Variants in ADCY4 observed in about 807,000 individuals in gnomAD.
ADCY4 encodes adenylate cyclase 4.
Under a neutral mutation model 125.5 loss-of-function variants are expected in ADCY4, and 111 were observed. That is an observed-to-expected ratio of 0.88 (90% CI 0.76 to 1.04). ADCY4 has a LOEUF of 1.04. Among genes scored for constraint, ADCY4 ranks in the 50% least tolerant of loss-of-function variants. The pLI, the probability that ADCY4 is intolerant of heterozygous loss-of-function variation, is 0.00. For missense variants in ADCY4, 1,256 were observed against 1,382.9 expected, an observed-to-expected ratio of 0.91 and a Z score of 1.46; for synonymous variants, 576 against 586.9, an observed-to-expected ratio of 0.98 and a Z score of 0.27.
intron 14 of ADCY4, 151 bp from the exon 15 acceptor site, chr14:24,324,542 G>A (rs1594655377): frequency 2.3e-6 from 2 of 880,512 alleles, no homozygotes; most frequent in Middle Eastern, 3.3e-4. Context: ...AGAAGACATT[G>A]CATTCTGATG....
chr14:24,330,828 T>C, intron 6 of ADCY4, 190 bp downstream of exon 6: 1 of 584,992 alleles, frequency 1.7e-6, no homozygotes, highest in South Asian at 2.2e-5. Flanking sequence ...TCTGTAGGTT[T>C]GAGGTGTGTG....
rs1307846932 is a variant in ADCY4 at position 24,334,845 on chromosome 14, T to C, written c.-193A>G. ...CTCCCAGCCCGCTCCCAGCTGGCGATGAGGGGATCCCTCAGTCCTTTCCTC... is the reference window on the plus strand; with the variant it reads ...CTCCCAGCCCGCTCCCAGCTGGCGACGAGGGGATCCCTCAGTCCTTTCCTC... On this transcript the variant is annotated 5_prime_UTR_variant, in exon 1 of 25. Transcript: ENST00000418030. The C allele has an allele frequency of 1.7e-6, 1 of 576,156 alleles. No homozygotes were observed. The highest frequency in any genetic ancestry group is 3.1e-6 in the Non-Finnish European group (1 of 327,440). The allele number at this position is 576,156 out of a possible 1,614,324, so 35.7% of individuals were successfully genotyped here.
chr14:24,318,854 G>C, intron 23 of ADCY4, 76 bp from the exon 24 acceptor site: 2 of 1,596,706 alleles, frequency 1.3e-6, no homozygotes, highest in Non-Finnish European at 1.7e-6. Context: ...TGGAAGGAAG[G>C]GAGAAGAGCC....
intron 10 of ADCY4, 134 bp from the exon 11 acceptor site, chr14:24,326,476 A>G: frequency 1.9e-6 from 2 of 1,060,654 alleles, no homozygotes; most frequent in Non-Finnish European, 2.8e-6. Context: ...TTTTGCCTCT[A>G]ATGACCTCTC....
Position 24,319,616 on chromosome 14 carries a change from G to T in ADCY4, c.2733+126C>A. The T allele has an allele frequency of 1.5e-6, 2 of 1,311,852 alleles. No individual in the cohort carries two copies. Among genetic ancestry groups the T allele is most frequent in the Non-Finnish European group, 1.1e-6 (1 of 928,348 alleles). 81.3% of individuals were successfully genotyped at this position (1,311,852 alleles called of 1,614,324 possible). On this transcript the variant is annotated intron_variant, in intron 21 of 24. Coordinates refer to ENST00000418030, the MANE Select transcript of ADCY4 (RefSeq NM_001198568.2). The surrounding 1 kb of genome is among the most constrained non-coding windows in gnomAD (Gnocchi z 4.5). Reference sequence around the variant, plus strand: ...GAGTGGGTAGATCTGGGGGATCAGAGGAGGTGAGGGAGTACTGTGGAGGGG... The same window carrying T: ...GAGTGGGTAGATCTGGGGGATCAGATGAGGTGAGGGAGTACTGTGGAGGGG...
intron 17 of ADCY4, 30 bp from the exon 18 acceptor site, chr14:24,323,118 G>A (rs1275359584): frequency 6.2e-7 from 1 of 1,609,156 alleles, no homozygotes; most frequent in South Asian, 1.1e-5. Flanking sequence ...TCAGGAGTGG[G>A]CATGTCCCAT....
chr14:24,326,720 G>A (rs890579266), intron 10 of ADCY4, among the ~76,000 whole-genome samples: 14 of 151,660 alleles, frequency 9.2e-5, no homozygotes, highest in Admixed American at 2.6e-4. Flanking sequence ...CAGCCTTCCA[G>A]GTGGCTGGGA....
Position 24,323,330 on chromosome 14 carries a change from G to T in ADCY4, c.2157+14C>A. ...GTGTGCAGAAGGAGATTAAGGGCAT[G>T]TGGGAACACTCACTGGGACACTGAT... On this transcript the variant is annotated intron_variant, in intron 17 of 24. Transcript: ENST00000418030. 6.5e-7 allele frequency: 1 copy of T among 1,542,574 alleles called. No individual in the cohort carries two copies. The highest frequency in any genetic ancestry group is 1.4e-5 in the African/African-American group (1 of 72,934).
chr14:24,322,697 A>G lies in ADCY4; in HGVS notation c.2354T>C (p.Leu785Pro), dbSNP rs771001774. Residue 785 changes from leucine to proline, a missense_variant, in exon 19 of 25, where the codon CTG becomes CCG. Coordinates refer to ENST00000418030, the MANE Select transcript of ADCY4 (RefSeq NM_001198568.2). ...AGCACCCATCAGTTTGGGCTCCTTC[A>G]GCACTCCGGGCCTGAAGGGGCCATG... ...LGPLDSRPGV[L>P]KEPKLMGAIS... 6.2e-7 allele frequency: 1 copy of G among 1,614,098 alleles called. No individual in the cohort carries two copies. The highest frequency in any genetic ancestry group is 8.5e-7 in the Non-Finnish European group (1 of 1,180,010).
At chr14:24,326,192 CCA>C (rs776550621) in intron 11 of ADCY4, 27 bp from the exon 12 acceptor site, 1 of 1,610,292 alleles carries the variant, frequency 6.2e-7, no homozygotes, top group African/African-American at 1.3e-5. Context: ...AAGTCCATCA[CCA>C]CAGAGACCCT....
At chr14:24,322,774 T>C (rs1594651945) in intron 18 of ADCY4, 66 bp from the exon 19 acceptor site, 5 of 1,574,910 alleles carry the variant, frequency 3.2e-6, no homozygotes, top group East Asian at 2.3e-5. Flanking sequence ...CCTGCCCCCA[T>C]GTAGGCCTCC....
At position 24,329,452 on chromosome 14, in the gene ADCY4, G is replaced by A. The variant is rs772097969; in HGVS notation, c.1299C>T (p.Asp433=). The A allele has an allele frequency of 2.5e-6, 4 of 1,581,000 alleles. No individual in the cohort carries two copies. In the South Asian group the frequency reaches 4.7e-5, roughly 18 times the overall value. Residue 433 remains aspartate, a synonymous_variant, in exon 9 of 25, where the codon GAC becomes GAT. Coordinates refer to ENST00000418030, the MANE Select transcript of ADCY4 (RefSeq NM_001198568.2). ...AVEDAGMEHR[D]PYLRELGEPT... ...GCTCCCCTAGCTCCCGAAGGTAGGG[G>A]TCCCGATGCTCCATGCCTGCGTCCT...
Position 24,332,970 on chromosome 14 carries a change from T to A in ADCY4, c.178A>T (p.Ser60Cys). ...GCGCACAGCACAGTGGTCAGGAAGC[T>A]CGGGTCTGAGGTCAGCTCCTGTGGG... ...ASGRELTSDPSFLTTVLCALG... is the reference protein window; with the variant it reads ...ASGRELTSDPCFLTTVLCALG... Residue 60 changes from serine to cysteine, a missense_variant, in exon 2 of 25, where the codon AGC becomes TGC. Ser to Cys is a moderately radical substitution (Grantham distance 112). Coordinates refer to ENST00000418030, the MANE Select transcript of ADCY4 (RefSeq NM_001198568.2). The A allele has an allele frequency of 6.4e-7, 1 of 1,551,878 alleles. No individual in the cohort carries two copies. Among genetic ancestry groups the A allele is most frequent in the Non-Finnish European group, 8.7e-7 (1 of 1,145,836 alleles).
intron 10 of ADCY4, chr14:24,328,476 G>T (rs551688000): frequency 6.4e-6 from 1 of 155,260 alleles, no homozygotes; most frequent in South Asian, 1.7e-4. Flanking sequence ...CTGATATGCA[G>T]AAATAATGGT....
At position 24,322,101 on chromosome 14, in the gene ADCY4, C is replaced by T. The variant is rs891634537; in HGVS notation, c.2551G>A (p.Ala851Thr). The change falls in exon 20 of 25, where the codon GCC (alanine) becomes ACC (threonine). Residue 851 changes from alanine to threonine, a missense_variant. By Grantham distance (58) the Ala-to-Thr change is moderately conservative. Coordinates refer to ENST00000418030, the MANE Select transcript of ADCY4 (RefSeq NM_001198568.2). ...CGGTTCTGGCCAATGAACTGGGGGG[C>T]CACGTGTGCAGGGAGCACGTTCTCC... ...LLENVLPAHV[A>T]PQFIGQNRRN... is the part of the protein sequence containing the mutation. 3 of 1,613,714 alleles carry T rather than the reference C, an allele frequency of 1.9e-6. No homozygotes were observed. Among genetic ancestry groups the T allele is most frequent in the Non-Finnish European group, 2.5e-6 (3 of 1,179,794 alleles).
intron 15 of ADCY4, 51 bp downstream of exon 15, chr14:24,324,256 G>T (rs1323560781): frequency 8.7e-6 from 14 of 1,614,036 alleles, no homozygotes; most frequent in Non-Finnish European, 7.6e-6. Context: ...CTTCAGGACA[G>T]GTTGTGACCA....
At chr14:24,327,899 A>C (rs1477287109) in intron 10 of ADCY4, among the ~76,000 whole-genome samples, 4 of 152,198 alleles carry the variant, frequency 2.6e-5, no homozygotes, top group Non-Finnish European at 2.9e-5. Context: ...CCAGATATAG[A>C]TCTTAGATAT....
intron 1 of ADCY4, 85 bp from the exon 2 acceptor site, chr14:24,333,073 A>G: frequency 7.3e-7 from 1 of 1,365,174 alleles, no homozygotes; most frequent in Non-Finnish European, 9.7e-7. Flanking sequence ...CCAGCCCCTC[A>G]GCCCAGTTCT....
In ADCY4 at chr14:24,331,828, A is replaced by C. The variant is rs773792139; in HGVS notation, c.629T>G (p.Leu210Arg). ...GGTGTCCAGCCGCCGGCGTGAGTGC[A>C]GGGAGCTGAGTGCCTCCCGGAACGT... The part of the protein sequence containing the change: ...RATFREALSS[L>R]HSRRRLDTEK... The change falls in exon 4 of 25, where the codon CTG becomes CGG. Residue 210 changes from leucine (L) to arginine (R), a missense_variant. Leu to Arg is a moderately radical substitution (Grantham distance 102). Coordinates refer to ENST00000418030, the MANE Select transcript of ADCY4 (RefSeq NM_001198568.2). 4.4e-6 allele frequency: 7 copies of C among 1,603,112 alleles called. No individual in the cohort carries two copies. Among genetic ancestry groups the C allele is most frequent in the Non-Finnish European group, 6.0e-6 (7 of 1,171,940 alleles).
Sources: allele counts gnomAD v4.1 joint callset (sites outside exome capture counted in the v4.1 genomes callset), GRCh38; gene constraint gnomAD v4.1.1; non-coding constraint Gnocchi (gnomAD v3.1); transcripts MANE v1.5; gene names NCBI Gene and HGNC (gene_info 2026-07-23, HGNC 2026-07-21).